The following CYSLTR1 variants were observed in gnomAD, a reference collection of about 807,000 sequenced individuals.
The protein encoded by CYSLTR1 is G-protein coupled receptor HG55.
In CYSLTR1, 1 loss-of-function variant was observed where a neutral mutation model predicts 2.1. The ratio of observed to expected loss-of-function variants is 0.48; its 90% CI spans 0.17 to 2.28. The LOEUF is 2.28. Among genes scored for constraint, CYSLTR1 ranks in the 30% most tolerant of loss-of-function variants. The pLI is 0.26. For missense variants in CYSLTR1, 299 were observed against 250.1 expected, an observed-to-expected ratio of 1.20 and a Z score of -1.32; for synonymous variants, 110 against 89.6, an observed-to-expected ratio of 1.23 and a Z score of -1.28.
At chrX:78,276,800 A>G (rs939652497) in intron 2 of CYSLTR1, among the ~76,000 whole-genome samples, 6 of 110,855 alleles carry the variant, frequency 5.4e-5, no homozygotes, top group Non-Finnish European at 1.1e-4. Flanking sequence ...ATCCTTGGAA[A>G]AAAGGCATTG....
intron 1 of CYSLTR1, among the ~76,000 whole-genome samples, chrX:78,311,806 C>G (rs889471149): frequency 9.0e-6 from 1 of 111,346 alleles, no homozygotes; most frequent in African/African-American, 3.3e-5. Flanking sequence ...AAGAGAATAA[C>G]AAAACACTGC....
intron 1 of CYSLTR1, among the ~76,000 whole-genome samples, chrX:78,299,798 T>C (rs972508012): frequency 9.0e-6 from 1 of 111,633 alleles, no homozygotes; most frequent in African/African-American, 3.2e-5. Context: ...CTTGGTGTTC[T>C]ATAACTTTCT....
rs762635883 is a variant in CYSLTR1, at chrX:78,327,588, C to A, written c.-398G>T. 8.9e-6 allele frequency: 1 copy of A among 111,974 alleles called. No homozygotes were observed. Among genetic ancestry groups the A allele is most frequent in the African/African-American group, 3.2e-5 (1 of 30,795 alleles). The allele number at this position is 111,974 out of a possible 1,213,427, so 9.2% of individuals were successfully genotyped here. A position where few individuals can be genotyped will look rare whatever the true frequency, so the allele number is the denominator to read the frequency against. ...TATACAGATATACAGATTCTTCTTC[C>A]TCTTTCAGATTAGCCTTCAAACTGT... is the stretch of plus-strand genomic sequence containing the variant. On this transcript the variant is annotated 5_prime_UTR_variant, in exon 1 of 3. It adds an upstream start codon to the 5' untranslated region. Transcript: ENST00000373304.
At chrX:78,307,560 G>T (rs1298353899) in intron 1 of CYSLTR1, among the ~76,000 whole-genome samples, 1 of 111,853 alleles carries the variant, frequency 8.9e-6, no homozygotes, top group African/African-American at 3.3e-5. Flanking sequence ...GAAAATCAAT[G>T]AATTGGTAAC....
intron 1 of CYSLTR1, among the ~76,000 whole-genome samples, chrX:78,322,716 T>G (rs1923712880): frequency 8.9e-6 from 1 of 112,169 alleles, no homozygotes; most frequent in Admixed American, 9.4e-5. Context: ...CTCACAGGGA[T>G]ATGCTTTTTG....
At chrX:78,290,756 TTG>T (rs1216454893) in intron 1 of CYSLTR1, among the ~76,000 whole-genome samples, 4 of 111,716 alleles carry the variant, frequency 3.6e-5, no homozygotes, top group Non-Finnish European at 7.5e-5. Context: ...GGCTCTCTGT[TTG>T]TGTGTTATTG....
intron 1 of CYSLTR1, among the ~76,000 whole-genome samples, chrX:78,315,871 T>C (rs1923396950): frequency 8.9e-6 from 1 of 111,991 alleles, no homozygotes; most frequent in Non-Finnish European, 1.9e-5. Flanking sequence ...TGGCTGGGTT[T>C]ACCACCTGCT....
At chrX:78,284,734 C>G (rs1415961447) in intron 1 of CYSLTR1, among the ~76,000 whole-genome samples, 1 of 88,994 alleles carries the variant, frequency 1.1e-5, no homozygotes, top group Non-Finnish European at 2.2e-5. Context: ...TAGAAACAGG[C>G]TGGAACTTTC....
At position 78,316,255 on chromosome X, in the gene CYSLTR1, C is replaced by G. The variant is rs148525751; in HGVS notation, c.-115+11050G>C. On this transcript the variant is annotated intron_variant, in intron 1 of 2. Coordinates refer to ENST00000373304, the MANE Select transcript of CYSLTR1 (RefSeq NM_006639.4). ...GTATGTCACAGGGGCCTTTGGGGAA[C>G]GCACCCAGTGGAATTAGGGAGGGGT... Among the ~76,000 whole-genome samples, 440 of 112,115 alleles carry G rather than the reference C, an allele frequency of 3.9e-3. 1 individual carries two copies. Among genetic ancestry groups the G allele is most frequent in the African/African-American group, 0.014 (423 of 30,864 alleles).
At chrX:78,288,440 C>A (rs780412177) in intron 1 of CYSLTR1, among the ~76,000 whole-genome samples, 1 of 110,264 alleles carries the variant, frequency 9.1e-6, no homozygotes, top group Admixed American at 9.7e-5. Flanking sequence ...TCCTTTTAAC[C>A]CAATTTTACA....
intron 1 of CYSLTR1, among the ~76,000 whole-genome samples, chrX:78,314,756 A>T (rs73498817): frequency 0.017 from 1,839 of 110,053 alleles, 49 homozygotes; most frequent in African/African-American, 0.058. Flanking sequence ...TACTCACTCC[A>T]ACAGTCAGAA....
At position 78,271,939 on chromosome X, in the gene CYSLTR1, A is replaced by G. The variant is rs1921277861; in HGVS notation, c.*794T>C. 8.9e-6 allele frequency: 1 copy of G among 111,848 alleles called. No individual in the cohort carries two copies. The highest frequency in any genetic ancestry group is 3.2e-5 in the African/African-American group (1 of 30,828). The allele number at this position is 111,848 out of a possible 1,213,427, so 9.2% of individuals were successfully genotyped here. ...TTTTTAATTACTTCTATTTATATAT[A>G]GGAGTGCCAGTTGTCTGGCTTCTTA... On this transcript the variant is annotated 3_prime_UTR_variant, in exon 3 of 3. Transcript: ENST00000373304.
chrX:78,311,932 T>C (rs1923233076), intron 1 of CYSLTR1, among the ~76,000 whole-genome samples: 2 of 112,198 alleles, frequency 1.8e-5, no homozygotes, highest in South Asian at 7.3e-4. Flanking sequence ...GATTTAATGT[T>C]ATCCCTATCA....
intron 1 of CYSLTR1, among the ~76,000 whole-genome samples, chrX:78,317,507 A>T (rs1169516270): frequency 2.7e-5 from 3 of 112,578 alleles, no homozygotes; most frequent in African/African-American, 9.7e-5. Context: ...AGAAGTCATT[A>T]TATGAAAAAG....
intron 1 of CYSLTR1, among the ~76,000 whole-genome samples, chrX:78,297,069 ATACT>A (rs1456718326): frequency 9.0e-6 from 1 of 111,399 alleles, no homozygotes; most frequent in African/African-American, 3.2e-5. Flanking sequence ...TGTTTCTTTT[ATACT>A]TAGTTTTTTG....
At chrX:78,314,021 T>C (rs1230240714) in intron 1 of CYSLTR1, among the ~76,000 whole-genome samples, 2 of 111,337 alleles carry the variant, frequency 1.8e-5, no homozygotes, top group African/African-American at 6.5e-5. Flanking sequence ...GTATATGGGA[T>C]GTAGAAAAAT....
At position 78,298,013 on chromosome X, in the gene CYSLTR1, C is replaced by T. The variant is rs1038830065; in HGVS notation, c.-114-14473G>A. Among the ~76,000 whole-genome samples the T allele has an allele frequency of 3.3e-4, 37 of 111,197 alleles. No individual in the cohort carries two copies. The Admixed American group carries it at 3.4e-3, about 10-fold the overall frequency. On this transcript the variant is annotated intron_variant, in intron 1 of 2. Coordinates refer to ENST00000373304, the MANE Select transcript of CYSLTR1 (RefSeq NM_006639.4). ...TTTTTTATAATGTAGGTGCTGGCAG[C>T]TATAAACCTCCCTCTTAGTATCACT...
intron 2 of CYSLTR1, among the ~76,000 whole-genome samples, chrX:78,280,366 C>G (rs944438730): frequency 1.8e-5 from 2 of 110,601 alleles, no homozygotes; most frequent in Non-Finnish European, 3.8e-5. Flanking sequence ...TGGTAATAGC[C>G]CTTTTCGGCT....
chrX:78,283,074 C>A (rs1025473073), intron 2 of CYSLTR1, among the ~76,000 whole-genome samples: 1 of 112,208 alleles, frequency 8.9e-6, no homozygotes, highest in Non-Finnish European at 1.9e-5. Flanking sequence ...ACAAGCCACT[C>A]ATTTCACAGA....
Sources: gnomAD v4.1 joint callset for allele counts (sites outside exome capture counted in the v4.1 genomes callset) on GRCh38, gnomAD v4.1.1 for gene constraint, MANE v1.5 for transcripts, NCBI Gene and HGNC (gene_info 2026-07-23, HGNC 2026-07-21) for gene names.